MKRN2: variants seen among roughly 807,000 people sequenced by gnomAD.
MKRN2 encodes the protein E3 ubiquitin-protein ligase makorin-2.
Under a neutral mutation model 45.4 loss-of-function variants are expected in MKRN2, and 32 were observed. The observed-to-expected ratio is 0.70, with a 90% CI of 0.53 to 0.95. The LOEUF (loss-of-function observed/expected upper bound fraction) is 0.95. Ranked by LOEUF, MKRN2 falls within the 40% of genes least tolerant of loss-of-function variation. MKRN2 has a pLI of 0.00. For synonymous variants in MKRN2, 206 were observed against 192.4 expected, an observed-to-expected ratio of 1.07 and a Z score of -0.59; for missense variants, 526 against 536.7, an observed-to-expected ratio of 0.98 and a Z score of 0.20.
At chr3:12,576,189 ATGTGTGTGTG>A (rs59197804) in intron 5 of MKRN2, among the ~76,000 whole-genome samples, 1,520 of 143,300 alleles carry the variant, frequency 0.011, 36 homozygotes, top group African/African-American at 0.035. Context: ...GAAACCATAT[ATGTGTGTGTG>A]TGTGTGTGTG....
intron 6 of MKRN2, 101 bp downstream of exon 6, chr3:12,576,842 C>T (rs55984081): frequency 4.4e-6 from 3 of 682,580 alleles, no homozygotes; most frequent in African/African-American, 3.7e-5. Flanking sequence ...TTAGGGGCCT[C>T]TTCCTCTCTT....
intron 2 of MKRN2, among the ~76,000 whole-genome samples, 166 bp downstream of exon 2, chr3:12,569,169 T>TG (rs1240475892): frequency 3.4e-5 from 5 of 145,112 alleles, no homozygotes; most frequent in Non-Finnish European, 7.6e-5. Flanking sequence ...TTTTCTTTTC[T>TG]TTTTTTTTTT....
chr3:12,577,834 C>T (rs1452829388), intron 6 of MKRN2, among the ~76,000 whole-genome samples: 1 of 152,116 alleles, frequency 6.6e-6, no homozygotes, highest in Non-Finnish European at 1.5e-5. Flanking sequence ...CACCACTGCA[C>T]CTGGCCAATT....
intron 1 of MKRN2, among the ~76,000 whole-genome samples, chr3:12,568,022 A>G (rs939710891): frequency 6.6e-6 from 1 of 152,208 alleles, no homozygotes; most frequent in Admixed American, 6.5e-5. Context: ...TTCATTAAAA[A>G]CTACAAGTAC....
Position 12,568,789 on chromosome 3 carries a change from T to C in MKRN2, c.27-86T>C, listed in dbSNP as rs563210483. 158 of 1,524,166 alleles carry C rather than the reference T, an allele frequency of 1.0e-4. 2 individuals are homozygous for C. The South Asian group carries it at 1.6e-3, about 16-fold the overall frequency. 94.4% of individuals were successfully genotyped at this position (1,524,166 alleles called of 1,614,324 possible). On this transcript the variant is annotated intron_variant, in intron 1 of 7. Transcript: ENST00000170447. Reference sequence around the variant, plus strand: ...TTATACATAATATATGCCTGGTAAATGTTTGTATGCTAAGTTCAAGAATAA... The same window carrying C: ...TTATACATAATATATGCCTGGTAAACGTTTGTATGCTAAGTTCAAGAATAA...
chr3:12,573,699 C>T (rs2058113691), intron 4 of MKRN2, among the ~76,000 whole-genome samples: 1 of 152,032 alleles, frequency 6.6e-6, no homozygotes, highest in Admixed American at 6.6e-5. Flanking sequence ...TGAGACCATC[C>T]TGGCTAACAT....
chr3:12,557,242 A>G, intron 1 of MKRN2, 66 bp downstream of exon 1: 1 of 1,509,868 alleles, frequency 6.6e-7, no homozygotes, highest in East Asian at 2.7e-5. Flanking sequence ...GGTGCGCGCC[A>G]GTGCTGTGGT....
chr3:12,582,358 G>T lies in MKRN2; in HGVS notation c.*105G>T. ...TGCAGCCAAGGTGACGTGTGACTTG[G>T]ATTTGAGTGGAGTTGGGCTTAGCCT... On this transcript the variant is annotated 3_prime_UTR_variant, in exon 8 of 8. Transcript: ENST00000170447. The T allele has an allele frequency of 6.9e-7, 1 of 1,441,790 alleles. No individual in the cohort carries two copies. The highest frequency in any genetic ancestry group is 9.6e-7 in the Non-Finnish European group (1 of 1,045,530). 89.3% of individuals were successfully genotyped at this position (1,441,790 alleles called of 1,614,324 possible).
chr3:12,577,333 A>G (rs1236561667), intron 6 of MKRN2: 5 of 152,022 alleles, frequency 3.3e-5, no homozygotes, highest in African/African-American at 1.2e-4. Flanking sequence ...CCCCAAGATG[A>G]GCGAAATTTT....
chr3:12,581,092 T>C (rs2058175263), intron 6 of MKRN2, among the ~76,000 whole-genome samples: 1 of 152,198 alleles, frequency 6.6e-6, no homozygotes, highest in African/African-American at 2.4e-5. Flanking sequence ...TTGATTGAGT[T>C]TCCTTGGGCA....
intron 5 of MKRN2, among the ~76,000 whole-genome samples, chr3:12,575,568 C>T (rs903367013): frequency 2.6e-5 from 4 of 152,100 alleles, no homozygotes; most frequent in South Asian, 2.1e-4. Context: ...CACATCTGTC[C>T]GCTCATCTCA....
intron 5 of MKRN2, 57 bp from the exon 6 acceptor site, chr3:12,576,574 A>T (rs1220375680): frequency 1.6e-6 from 2 of 1,251,134 alleles, no homozygotes; most frequent in Middle Eastern, 1.9e-4. Flanking sequence ...TTTAGCAGAG[A>T]GTGTGCCCAG....
chr3:12,562,254 TCA>T (rs1559386494), intron 1 of MKRN2, among the ~76,000 whole-genome samples: 3 of 152,152 alleles, frequency 2.0e-5, no homozygotes, highest in African/African-American at 7.2e-5. Flanking sequence ...ACATTGTACA[TCA>T]GTTTAGACAC....
At chr3:12,557,344 C>G (rs570301636) in intron 1 of MKRN2, among the ~76,000 whole-genome samples, 168 bp downstream of exon 1, 11 of 152,290 alleles carry the variant, frequency 7.2e-5, no homozygotes, top group African/African-American at 2.4e-4. Flanking sequence ...CCGCCACAGC[C>G]GGGGATCCGG....
chr3:12,576,627 T>G lies in MKRN2; in HGVS notation c.858-4T>G. ...CTCCCTTAGTAATCTAATTCTTATT[T>G]CAGGTCTTGTCCAGAATGCCGTGTG... On this transcript the variant is annotated splice_polypyrimidine_tract_variant and splice_region_variant and intron_variant, in intron 5 of 7. Transcript: ENST00000170447. The G allele has an allele frequency of 6.3e-7, 1 of 1,578,514 alleles. No homozygotes were observed. Among genetic ancestry groups the G allele is most frequent in the Non-Finnish European group, 8.7e-7 (1 of 1,148,540 alleles).
At chr3:12,557,485 G>C (rs1446490820) in intron 1 of MKRN2, among the ~76,000 whole-genome samples, 1 of 152,272 alleles carries the variant, frequency 6.6e-6, no homozygotes, top group African/African-American at 2.4e-5. Flanking sequence ...GCGCTGTCGG[G>C]AAGGCTCTGG....
chr3:12,573,503 C>T (rs2058112362), intron 4 of MKRN2, among the ~76,000 whole-genome samples: 1 of 144,132 alleles, frequency 6.9e-6, no homozygotes, highest in Non-Finnish European at 1.5e-5. Flanking sequence ...CACTGCACTA[C>T]AGCCTGGGCA....
At chr3:12,561,941 G>C (rs188739280) in intron 1 of MKRN2, among the ~76,000 whole-genome samples, 126 of 152,214 alleles carry the variant, frequency 8.3e-4, no homozygotes, top group Admixed American at 1.9e-3. Flanking sequence ...AGACTGTCTA[G>C]AACTAGGACA....
intron 3 of MKRN2, among the ~76,000 whole-genome samples, chr3:12,571,351 C>T (rs944944192): frequency 2.6e-5 from 4 of 152,046 alleles, no homozygotes; most frequent in Admixed American, 6.5e-5. Context: ...TCTCATGATC[C>T]GCCCGCCTCG....
Sources: gnomAD v4.1 joint callset for allele counts (sites outside exome capture counted in the v4.1 genomes callset) on GRCh38, gnomAD v4.1.1 for gene constraint, MANE v1.5 for transcripts, NCBI Gene and HGNC (gene_info 2026-07-23, HGNC 2026-07-21) for gene names.